ZNF420: variants seen among roughly 807,000 people sequenced by gnomAD.
ZNF420 encodes ATM and p53-associated KZNF protein.
ZNF420 carries 31 observed loss-of-function variants against 44.7 expected under a neutral mutation model. The ratio of observed to expected loss-of-function variants is 0.69; its 90% CI spans 0.52 to 0.94. ZNF420 has a LOEUF of 0.94. Among genes scored for constraint, ZNF420 ranks in the 40% least tolerant of loss-of-function variants. The pLI is 0.00. For missense variants in ZNF420, 681 were observed against 827.9 expected, an observed-to-expected ratio of 0.82 and a Z score of 2.18; for synonymous variants, 245 against 267.4, an observed-to-expected ratio of 0.92 and a Z score of 0.82.
At chr19:37,110,081 T>A (rs946330881) in intron 4 of ZNF420, among the ~76,000 whole-genome samples, 4 of 152,234 alleles carry the variant, frequency 2.6e-5, no homozygotes, top group Admixed American at 1.3e-4. Context: ...CATTGTTAGT[T>A]TTAATTTTTT....
At chr19:37,055,297 A>C (rs183282560) in intron 1 of ZNF420, among the ~76,000 whole-genome samples, 76 of 152,282 alleles carry the variant, frequency 5.0e-4, no homozygotes, top group African/African-American at 1.4e-3. Context: ...GAGGCAAAAA[A>C]ATCGCTTAAT....
At chr19:37,053,862 G>A (rs1483603233) in intron 1 of ZNF420, among the ~76,000 whole-genome samples, 5 of 152,144 alleles carry the variant, frequency 3.3e-5, no homozygotes, top group African/African-American at 9.7e-5. Context: ...CTGCGTGCTG[G>A]GAGAACCACT....
Position 37,127,852 on chromosome 19 carries a change from C to CT in ZNF420, c.864dup (p.Thr289TyrfsTer10). On this transcript the variant is annotated frameshift_variant, in exon 5 of 5. Coordinates refer to ENST00000337995, the MANE Select transcript of ZNF420 (RefSeq NM_144689.5). LOFTEE classifies it high-confidence loss of function. ...ATGAATGTAAAGAATGTAGGAAGGT[C>CT]TTTACTCAGCTCTCACAACTTATTC... The CT allele has an allele frequency of 6.2e-7, 1 of 1,613,736 alleles. No homozygotes were observed. The highest frequency in any genetic ancestry group is 1.1e-5 in the South Asian group (1 of 91,046).
At chr19:37,036,884 T>C (rs1342292176) in intron 1 of ZNF420, among the ~76,000 whole-genome samples, 1 of 152,248 alleles carries the variant, frequency 6.6e-6, no homozygotes, top group Non-Finnish European at 1.5e-5. Flanking sequence ...TCTACTTTGA[T>C]AAATATACCG....
At chr19:37,118,460 C>G (rs568656896) in intron 4 of ZNF420, among the ~76,000 whole-genome samples, 9 of 152,204 alleles carry the variant, frequency 5.9e-5, no homozygotes, top group Admixed American at 4.6e-4. Flanking sequence ...AAAAGAGCTC[C>G]TGAAGGAAAC....
At chr19:37,073,403 A>G (rs1431170161) in intron 1 of ZNF420, among the ~76,000 whole-genome samples, 2 of 152,150 alleles carry the variant, frequency 1.3e-5, no homozygotes, top group African/African-American at 2.4e-5. Flanking sequence ...CAAAGTGGCT[A>G]ATTCCAAGTC....
intron 1 of ZNF420, among the ~76,000 whole-genome samples, chr19:37,016,092 C>T (rs2074607013): frequency 6.6e-6 from 1 of 152,196 alleles, no homozygotes; most frequent in Admixed American, 6.5e-5. Flanking sequence ...ACCGTGGGTG[C>T]TCGTAGCTCC....
intron 2 of ZNF420, among the ~76,000 whole-genome samples, chr19:37,082,450 C>T (rs1476181182): frequency 2.6e-5 from 4 of 152,182 alleles, no homozygotes; most frequent in African/African-American, 9.7e-5. Flanking sequence ...CAGGTGTGAA[C>T]AACCACACCC....
intron 1 of ZNF420, among the ~76,000 whole-genome samples, chr19:37,057,809 T>C (rs952101193): frequency 6.6e-6 from 1 of 152,138 alleles, no homozygotes; most frequent in Non-Finnish European, 1.5e-5. Context: ...TAGGAGCTCA[T>C]TCTCCTGCAG....
intron 1 of ZNF420, among the ~76,000 whole-genome samples, chr19:37,053,155 G>A (rs959571065): frequency 2.0e-5 from 3 of 151,956 alleles, no homozygotes; most frequent in East Asian, 1.9e-4. Context: ...TGATCAAATC[G>A]GCTACTGAGG....
At chr19:37,094,063 CA>C (rs1382409725) in intron 4 of ZNF420, among the ~76,000 whole-genome samples, 1 of 152,130 alleles carries the variant, frequency 6.6e-6, no homozygotes, top group African/African-American at 2.4e-5. Flanking sequence ...GGCCACACCC[CA>C]GACCAATTAA....
chr19:37,119,438 A>G (rs998578041), intron 4 of ZNF420, among the ~76,000 whole-genome samples: 3 of 152,218 alleles, frequency 2.0e-5, no homozygotes, highest in Non-Finnish European at 4.4e-5. Flanking sequence ...ACAAAGACAC[A>G]ACATACCAGA....
intron 4 of ZNF420, among the ~76,000 whole-genome samples, chr19:37,098,752 T>C (rs1319126247): frequency 3.9e-5 from 6 of 152,244 alleles, no homozygotes; most frequent in African/African-American, 1.4e-4. Context: ...TTTTGTTGAC[T>C]ATATAGTCAC....
At chr19:37,071,601 T>C (rs1176392252) in intron 1 of ZNF420, among the ~76,000 whole-genome samples, 2 of 152,022 alleles carry the variant, frequency 1.3e-5, no homozygotes, top group Admixed American at 6.6e-5. Context: ...AGGAGTTCGA[T>C]ACCAGCCTGG....
Position 37,128,370 on chromosome 19 carries a change from C to A in ZNF420, c.1379C>A (p.Ser460Ter). 1 of 1,614,008 alleles carries A rather than the reference C, an allele frequency of 6.2e-7. No homozygotes were observed. The highest frequency in any genetic ancestry group is 8.5e-7 in the Non-Finnish European group (1 of 1,179,976). ...KECGKTFSRG[S>*]ELTQHERIHT... ...TGTGGAAAAACCTTTAGTCGTGGCT[C>A]AGAACTTACTCAACATGAGCGAATT... Residue 460 changes from serine (S) to a stop codon, truncating the protein, a stop_gained, in exon 5 of 5, where the codon TCA (serine) becomes TAA (stop). Transcript: ENST00000337995. LOFTEE classifies it high-confidence loss of function.
At chr19:37,075,524 C>T (rs1018703392), upstream of ZNF420, among the ~76,000 whole-genome samples, 5 of 152,188 alleles carry the variant, frequency 3.3e-5, no homozygotes, top group African/African-American at 9.6e-5. Context: ...GGGCAAATCA[C>T]GAGGTCAGGA....
intron 1 of ZNF420, among the ~76,000 whole-genome samples, chr19:37,043,172 G>C (rs1967488717): frequency 6.6e-6 from 1 of 152,198 alleles, no homozygotes; most frequent in Admixed American, 6.5e-5. Flanking sequence ...AAATGTGACA[G>C]AGTCACAAAC....
chr19:37,043,467 T>C (rs1362181811), intron 1 of ZNF420, among the ~76,000 whole-genome samples: 1 of 152,246 alleles, frequency 6.6e-6, no homozygotes, highest in African/African-American at 2.4e-5. Context: ...TTTCGGGGAT[T>C]TTTAAGGGGC....
chr19:37,011,410 A>G (rs985852845), intron 1 of ZNF420, among the ~76,000 whole-genome samples: 2 of 152,048 alleles, frequency 1.3e-5, no homozygotes, highest in Non-Finnish European at 2.9e-5. Context: ...TTCATTCTTG[A>G]GGGACATCCT....
Sources: gnomAD v4.1 joint callset for allele counts (sites outside exome capture counted in the v4.1 genomes callset) on GRCh38, gnomAD v4.1.1 for gene constraint, MANE v1.5 for transcripts, NCBI Gene and HGNC (gene_info 2026-07-23, HGNC 2026-07-21) for gene names.